Variants in SH3BGR observed in about 807,000 individuals in gnomAD.
SH3BGR encodes the protein SH3 domain-binding glutamic acid-rich protein.
In SH3BGR, 29 loss-of-function variants were observed where a neutral mutation model predicts 24.5. That is an observed-to-expected ratio of 1.18 (90% CI 0.88 to 1.61). The LOEUF (loss-of-function observed/expected upper bound fraction) is 1.61. Ranked by LOEUF, SH3BGR falls within the 40% of genes most tolerant of loss-of-function variation. The pLI, the probability that SH3BGR is intolerant of heterozygous loss-of-function variation, is 0.00. For missense variants in SH3BGR, 162 were observed against 205.8 expected (o/e 0.79, Z 1.30); for synonymous variants, 55 against 65.7 (o/e 0.84, Z 0.79).
intron 2 of SH3BGR, among the ~76,000 whole-genome samples, chr21:39,465,856 G>A (rs1160147166): frequency 6.6e-6 from 1 of 152,168 alleles, no homozygotes; most frequent in African/African-American, 2.4e-5. Flanking sequence ...CTCCCGTAGT[G>A]TTGGGATTAT....
At position 39,490,198 on chromosome 21, in the gene SH3BGR, A is replaced by G. The variant is rs559918043; in HGVS notation, c.313-9625A>G. Among the ~76,000 whole-genome samples, 199 of 152,346 alleles carry G rather than the reference A, an allele frequency of 1.3e-3. 1 individual carries two copies. The highest frequency in any genetic ancestry group is 2.4e-3 in the Admixed American group (37 of 15,298). ...AGCATTTCAGAACATTTATGTTAAC[A>G]AGGCCGGGAGGCAGAGCTGAGGAAA... On this transcript the variant is annotated intron_variant, in intron 3 of 6. Coordinates refer to ENST00000333634, the MANE Select transcript of SH3BGR (RefSeq NM_007341.3).
intron 4 of SH3BGR, among the ~76,000 whole-genome samples, chr21:39,505,879 G>T (rs1475593): frequency 0.54 from 81,356 of 152,056 alleles, 22,537 homozygotes; most frequent in East Asian, 0.68. Flanking sequence ...ACGGTTGACA[G>T]TATCTGGTTA....
chr21:39,482,682 T>A (rs865804821), intron 3 of SH3BGR, among the ~76,000 whole-genome samples: 2 of 152,196 alleles, frequency 1.3e-5, no homozygotes, highest in African/African-American at 4.8e-5. Flanking sequence ...CAATGCTTTT[T>A]TTTTTGAGAC....
At chr21:39,473,747 T>C (rs886404365) in intron 2 of SH3BGR, among the ~76,000 whole-genome samples, 2 of 151,914 alleles carry the variant, frequency 1.3e-5, no homozygotes, top group Non-Finnish European at 2.9e-5. Context: ...TAGCTGGGCA[T>C]GATGGCATGC....
intron 3 of SH3BGR, among the ~76,000 whole-genome samples, chr21:39,499,306 G>A (rs1007242077): frequency 2.5e-4 from 32 of 128,568 alleles, no homozygotes; most frequent in African/African-American, 7.6e-4. Flanking sequence ...CTACCCATCT[G>A]TTTGCCCATC....
intron 2 of SH3BGR, among the ~76,000 whole-genome samples, chr21:39,468,209 G>A (rs573405085): frequency 3.6e-4 from 55 of 152,334 alleles, no homozygotes; most frequent in African/African-American, 1.3e-3. Flanking sequence ...CAGTTAGGGT[G>A]GGGAGAGGGC....
intron 3 of SH3BGR, among the ~76,000 whole-genome samples, chr21:39,489,665 C>T (rs1301720991): frequency 1.3e-5 from 2 of 152,146 alleles, no homozygotes; most frequent in African/African-American, 4.8e-5. Flanking sequence ...ACCCTGGCTG[C>T]ACATTAGAAA....
intron 1 of SH3BGR, among the ~76,000 whole-genome samples, chr21:39,457,614 G>A (rs1204693907): frequency 2.0e-5 from 3 of 150,972 alleles, no homozygotes; most frequent in Non-Finnish European, 4.4e-5. Context: ...TAAGTATCCA[G>A]ATTTGTCTTA....
At chr21:39,464,285 C>T (rs2077804144) in intron 2 of SH3BGR, among the ~76,000 whole-genome samples, 1 of 152,136 alleles carries the variant, frequency 6.6e-6, no homozygotes, top group African/African-American at 2.4e-5. Flanking sequence ...TGCAGCAGTG[C>T]AGTATCAGCT....
intron 3 of SH3BGR, among the ~76,000 whole-genome samples, chr21:39,487,499 C>T (rs949947007): frequency 6.6e-6 from 1 of 152,166 alleles, no homozygotes; most frequent in Non-Finnish European, 1.5e-5. Flanking sequence ...GTGTGTAACT[C>T]CTCAGTGCCA....
intron 2 of SH3BGR, among the ~76,000 whole-genome samples, chr21:39,473,392 A>G (rs772127540): frequency 1.8e-4 from 27 of 152,232 alleles, no homozygotes; most frequent in Non-Finnish European, 2.6e-4. Flanking sequence ...TAATCTTTTA[A>G]CAATGATTAG....
upstream of SH3BGR, among the ~76,000 whole-genome samples, chr21:39,451,581 C>G (rs1215592772): frequency 6.6e-6 from 1 of 152,170 alleles, no homozygotes; most frequent in Non-Finnish European, 1.5e-5. Context: ...TCTGACCCTT[C>G]CAGTTTATTT....
At chr21:39,514,994 A>C in intron 6 of SH3BGR, 94 bp from the exon 7 acceptor site, 1 of 384,634 alleles carries the variant, frequency 2.6e-6, no homozygotes. Flanking sequence ...AAAAGGCAAC[A>C]CTTTCCTTTA....
chr21:39,460,212 G>T (rs1051900029), intron 1 of SH3BGR, among the ~76,000 whole-genome samples: 44 of 152,250 alleles, frequency 2.9e-4, no homozygotes, highest in African/African-American at 9.9e-4. Flanking sequence ...GGGAGAAAAG[G>T]GTTGTTTTGT....
chr21:39,515,026 T>G (rs887559581), intron 6 of SH3BGR, 62 bp from the exon 7 acceptor site: 11 of 449,148 alleles, frequency 2.4e-5, no homozygotes, highest in South Asian at 1.9e-4. Flanking sequence ...GTGATGAAGA[T>G]TGTGGTAAAC....
chr21:39,461,356 T>C (rs968557765), intron 1 of SH3BGR, among the ~76,000 whole-genome samples: 1 of 152,050 alleles, frequency 6.6e-6, no homozygotes, highest in Non-Finnish European at 1.5e-5. Context: ...AGGCTGGTCT[T>C]GAACTCCTGA....
chr21:39,514,987 A>T, intron 6 of SH3BGR, 101 bp from the exon 7 acceptor site: 1 of 370,750 alleles, frequency 2.7e-6, no homozygotes. Context: ...ATAGAATAAA[A>T]GGCAACACTT....
At chr21:39,510,960 G>T (rs377556027) in intron 5 of SH3BGR, among the ~76,000 whole-genome samples, 1 of 128,760 alleles carries the variant, frequency 7.8e-6, no homozygotes, top group East Asian at 2.4e-4. Flanking sequence ...TTCTGAATTT[G>T]TAAAGGTTAT....
At chr21:39,451,796 C>A, upstream of SH3BGR, 1 of 1,184,276 alleles carries the variant, frequency 8.4e-7, no homozygotes, top group Non-Finnish European at 1.2e-6. Flanking sequence ...GGACTGTTGT[C>A]GCGCGTTTAA....
Sources: gnomAD v4.1 joint callset for allele counts (sites outside exome capture counted in the v4.1 genomes callset) on GRCh38, gnomAD v4.1.1 for gene constraint, MANE v1.5 for transcripts, NCBI Gene and HGNC (gene_info 2026-07-23, HGNC 2026-07-21) for gene names.